Variants in MOXD1 observed in about 807,000 individuals in gnomAD.
MOXD1 encodes the protein monooxygenase DBH like 1.
MOXD1 carries 62 observed loss-of-function variants against 66.6 expected under a neutral mutation model. That is an observed-to-expected ratio of 0.93 (90% CI 0.76 to 1.15). MOXD1 has a LOEUF of 1.15. Among genes scored for constraint, MOXD1 ranks in the 50% most tolerant of loss-of-function variants. MOXD1 has a pLI of 0.00. For missense variants in MOXD1, 847 were observed against 754.6 expected, an observed-to-expected ratio of 1.12 and a Z score of -1.44; for synonymous variants, 303 against 281.9, an observed-to-expected ratio of 1.07 and a Z score of -0.75.
chr6:132,350,317 G>A (rs1209713684), intron 4 of MOXD1, among the ~76,000 whole-genome samples: 1 of 152,278 alleles, frequency 6.6e-6, no homozygotes, highest in African/African-American at 2.4e-5. Flanking sequence ...TGAGAGATGA[G>A]GATCCAGTTT....
chr6:132,383,007 G>C (rs1776542651), intron 1 of MOXD1, among the ~76,000 whole-genome samples: 1 of 152,184 alleles, frequency 6.6e-6, no homozygotes, highest in Non-Finnish European at 1.5e-5. Flanking sequence ...GATATGAATA[G>C]ACCTTGGTTG....
At chr6:132,341,978 T>C (rs950145659) in intron 4 of MOXD1, among the ~76,000 whole-genome samples, 1 of 151,390 alleles carries the variant, frequency 6.6e-6, no homozygotes, top group Non-Finnish European at 1.5e-5. Flanking sequence ...TCAGTTACTT[T>C]AGTTATAAAA....
intron 4 of MOXD1, among the ~76,000 whole-genome samples, chr6:132,366,027 T>C (rs1776115209): frequency 6.6e-6 from 1 of 152,216 alleles, no homozygotes; most frequent in South Asian, 2.1e-4. Context: ...TTGATTTTTA[T>C]AGCATAACTT....
chr6:132,390,731 G>T (rs1392305640), intron 1 of MOXD1: 1 of 151,504 alleles, frequency 6.6e-6, no homozygotes, highest in Non-Finnish European at 1.5e-5. Context: ...TACAAAATGA[G>T]AGTAATAAGA....
chr6:132,378,502 T>C (rs1776440901), intron 1 of MOXD1, among the ~76,000 whole-genome samples: 1 of 151,782 alleles, frequency 6.6e-6, no homozygotes, highest in African/African-American at 2.4e-5. Context: ...ATACTGATTG[T>C]AAAAGAAAGC....
intron 10 of MOXD1, among the ~76,000 whole-genome samples, chr6:132,306,306 A>G (rs1248684557): frequency 6.6e-6 from 1 of 152,018 alleles, no homozygotes; most frequent in African/African-American, 2.4e-5. Context: ...TGCAGACAAG[A>G]CTAGAGAAAA....
chr6:132,364,815 C>T (rs891076036), intron 4 of MOXD1, among the ~76,000 whole-genome samples: 3 of 152,058 alleles, frequency 2.0e-5, no homozygotes, highest in Non-Finnish European at 2.9e-5. Flanking sequence ...GAGGCAAATA[C>T]GGTTATCAGC....
chr6:132,374,598 G>C (rs374526450), intron 2 of MOXD1, 33 bp downstream of exon 2: 1 of 1,601,382 alleles, frequency 6.2e-7, no homozygotes, highest in African/African-American at 1.3e-5. Context: ...TATACAATTT[G>C]TTCATGCATG....
At chr6:132,345,488 T>G (rs928124604) in intron 4 of MOXD1, among the ~76,000 whole-genome samples, 25 of 152,332 alleles carry the variant, frequency 1.6e-4, no homozygotes, top group Middle Eastern at 3.4e-3. Context: ...TTTATCCTAT[T>G]AGTTCTCAAA....
chr6:132,321,420 T>C (rs554496556), intron 8 of MOXD1, among the ~76,000 whole-genome samples: 1 of 152,364 alleles, frequency 6.6e-6, no homozygotes, highest in South Asian at 2.1e-4. Flanking sequence ...TTTAAAGGTC[T>C]CTAGTCATGC....
chr6:132,342,088 C>T (rs1412534889), intron 4 of MOXD1, among the ~76,000 whole-genome samples: 1 of 151,074 alleles, frequency 6.6e-6, no homozygotes, highest in African/African-American at 2.4e-5. Context: ...CTGCAAACTC[C>T]ACCTCCCGGA....
In MOXD1 at chr6:132,316,172, G is replaced by A. The variant is rs545455511; in HGVS notation, c.1366-395C>T. Among the ~76,000 whole-genome samples the A allele has an allele frequency of 5.9e-5, 6 of 102,400 alleles. No homozygotes were observed. The South Asian group carries it at 1.2e-3, about 21-fold the overall frequency. The allele number at this position is 102,400 out of a possible 152,430, so 67.2% of individuals were successfully genotyped here. ...TGTATAAACATTAGCAGCTGCATAC[G>A]ACGGGGAGAAAGATTTCATATTTTG... On this transcript the variant is annotated intron_variant, in intron 9 of 11. Coordinates refer to ENST00000367963, the MANE Select transcript of MOXD1 (RefSeq NM_015529.4).
At chr6:132,346,736 C>T (rs536077166) in intron 4 of MOXD1, among the ~76,000 whole-genome samples, 18 of 152,142 alleles carry the variant, frequency 1.2e-4, no homozygotes, top group Admixed American at 5.2e-4. Flanking sequence ...CTTCCATGTA[C>T]GATCTGCAAG....
intron 10 of MOXD1, among the ~76,000 whole-genome samples, chr6:132,305,970 G>A (rs960818285): frequency 9.2e-5 from 14 of 152,062 alleles, no homozygotes; most frequent in Admixed American, 4.6e-4. Flanking sequence ...CCAAATGATT[G>A]CAACATCGCT....
intron 4 of MOXD1, among the ~76,000 whole-genome samples, chr6:132,342,334 G>A (rs1031484913): frequency 5.9e-5 from 9 of 152,178 alleles, no homozygotes; most frequent in Non-Finnish European, 1.0e-4. Flanking sequence ...AAAACTAAAG[G>A]AGAAATGTGT....
chr6:132,309,561 A>G (rs1562278079), intron 10 of MOXD1, among the ~76,000 whole-genome samples: 1 of 152,226 alleles, frequency 6.6e-6, no homozygotes, highest in Non-Finnish European at 1.5e-5. Flanking sequence ...CTGTATAGCT[A>G]AGACAATCCT....
intron 10 of MOXD1, among the ~76,000 whole-genome samples, chr6:132,313,974 A>G (rs912854445): frequency 6.6e-6 from 1 of 152,130 alleles, no homozygotes; most frequent in Non-Finnish European, 1.5e-5. Flanking sequence ...CTCTAATTAC[A>G]TAATTACGTC....
At chr6:132,316,823 T>C (rs1349615674) in intron 9 of MOXD1, among the ~76,000 whole-genome samples, 1 of 152,128 alleles carries the variant, frequency 6.6e-6, no homozygotes. Flanking sequence ...TACATGTAAC[T>C]GGAGTTCTAG....
intron 1 of MOXD1, among the ~76,000 whole-genome samples, chr6:132,394,126 A>G (rs1214273173): frequency 6.6e-6 from 1 of 152,140 alleles, no homozygotes; most frequent in Non-Finnish European, 1.5e-5. Context: ...CTAATGTCCT[A>G]GTTCCCAGCA....
Sources: gnomAD v4.1 joint callset for allele counts (sites outside exome capture counted in the v4.1 genomes callset) on GRCh38, gnomAD v4.1.1 for gene constraint, MANE v1.5 for transcripts, NCBI Gene and HGNC (gene_info 2026-07-23, HGNC 2026-07-21) for gene names.